The following ZC3H12B variants were observed in gnomAD, a reference collection of about 807,000 sequenced individuals.
ZC3H12B encodes probable ribonuclease ZC3H12B.
Under a neutral mutation model 43.9 loss-of-function variants are expected in ZC3H12B, and 7 were observed. That is an observed-to-expected ratio of 0.16 (90% CI 0.09 to 0.30). ZC3H12B has a LOEUF of 0.30. Ranked by LOEUF, ZC3H12B falls within the 10% of genes least tolerant of loss-of-function variation. ZC3H12B has a pLI of 1.00. For missense variants in ZC3H12B, 475 were observed against 670.2 expected, an observed-to-expected ratio of 0.71 and a Z score of 3.22; for synonymous variants, 222 against 241.7, an observed-to-expected ratio of 0.92 and a Z score of 0.76.
At chrX:65,240,545 C>A in the ZC3H12B span, among the ~76,000 whole-genome samples, 2 of 111,761 alleles carry the variant, frequency 1.8e-5, no homozygotes, top group Non-Finnish European at 3.8e-5. Flanking sequence ...TTATTACTTA[C>A]CTTCTGAATC....
the ZC3H12B span, among the ~76,000 whole-genome samples, chrX:65,067,812 T>C: frequency 9.0e-6 from 1 of 111,437 alleles, no homozygotes; most frequent in Admixed American, 9.5e-5. Flanking sequence ...TGTAGTTCTT[T>C]ATGATGCATC....
At chrX:65,086,899 A>G in the ZC3H12B span, among the ~76,000 whole-genome samples, 4 of 111,615 alleles carry the variant, frequency 3.6e-5, no homozygotes, top group Non-Finnish European at 5.6e-5. Flanking sequence ...AGCTTGTTTC[A>G]GCTCTGATAC....
chrX:65,343,882 A>G, the ZC3H12B span, among the ~76,000 whole-genome samples: 4 of 112,070 alleles, frequency 3.6e-5, no homozygotes, highest in African/African-American at 1.3e-4. Context: ...AGAAAGTCAA[A>G]TGATCCCTGT....
At chrX:65,437,979 C>A (rs913826844) in intron 3 of ZC3H12B, among the ~76,000 whole-genome samples, 1 of 112,356 alleles carries the variant, frequency 8.9e-6, no homozygotes, top group South Asian at 3.7e-4. Context: ...TTCCCAGTAC[C>A]TCTTATTGAA....
At chrX:65,220,711 C>G in the ZC3H12B span, among the ~76,000 whole-genome samples, 1 of 111,983 alleles carries the variant, frequency 8.9e-6, no homozygotes, top group Admixed American at 9.5e-5. Context: ...ACAATTACTA[C>G]TAGACATAAG....
At chrX:65,302,596 A>G in the ZC3H12B span, among the ~76,000 whole-genome samples, 2 of 112,186 alleles carry the variant, frequency 1.8e-5, no homozygotes, top group Admixed American at 9.5e-5. Flanking sequence ...AAATTATTCT[A>G]TAGGTTCAGT....
the ZC3H12B span, among the ~76,000 whole-genome samples, chrX:65,149,972 T>G: frequency 2.7e-5 from 3 of 109,851 alleles, no homozygotes; most frequent in Non-Finnish European, 5.7e-5. Context: ...TTGAGTTCCT[T>G]AAGTACCTGA....
At chrX:65,207,355 C>T in the ZC3H12B span, among the ~76,000 whole-genome samples, 2 of 109,558 alleles carry the variant, frequency 1.8e-5, no homozygotes, top group Non-Finnish European at 3.8e-5. Flanking sequence ...GAATTGGAGA[C>T]TATTATTCTA....
the ZC3H12B span, among the ~76,000 whole-genome samples, chrX:65,207,652 C>A: frequency 9.5e-6 from 1 of 105,001 alleles, no homozygotes; most frequent in Non-Finnish European, 1.9e-5. Context: ...ATTGACTTGG[C>A]AATGCGGGCT....
chrX:65,424,777 C>T (rs747452924), intron 3 of ZC3H12B, among the ~76,000 whole-genome samples: 6 of 110,774 alleles, frequency 5.4e-5, no homozygotes, highest in East Asian at 5.6e-4. Flanking sequence ...GATGGTTGTA[C>T]GTGTGTGGTC....
chrX:65,363,698 C>A (rs990885724), upstream of ZC3H12B, among the ~76,000 whole-genome samples: 16 of 111,778 alleles, frequency 1.4e-4, no homozygotes, highest in African/African-American at 5.2e-4. Flanking sequence ...CACCCTGTAG[C>A]CTTTTTGTCC....
the ZC3H12B span, among the ~76,000 whole-genome samples, chrX:65,114,075 T>C: frequency 1.0e-5 from 1 of 96,958 alleles, no homozygotes; most frequent in Non-Finnish European, 2.1e-5. Context: ...TTTGTATGTT[T>C]GAATATTGAG....
chrX:65,442,465 C>A (rs1055638575), intron 3 of ZC3H12B, among the ~76,000 whole-genome samples: 3 of 110,864 alleles, frequency 2.7e-5, no homozygotes, highest in Non-Finnish European at 5.7e-5. Flanking sequence ...CTCCTCTAAG[C>A]CGTTCTATGG....
chrX:65,051,963 T>C, the ZC3H12B span, among the ~76,000 whole-genome samples: 1 of 110,844 alleles, frequency 9.0e-6, no homozygotes, highest in African/African-American at 3.3e-5. Flanking sequence ...CTGAAAAATA[T>C]CTCAAAGACC....
At chrX:65,225,111 C>T in the ZC3H12B span, among the ~76,000 whole-genome samples, 1 of 111,993 alleles carries the variant, frequency 8.9e-6, no homozygotes, top group Non-Finnish European at 1.9e-5. Context: ...AGCAGCCTAA[C>T]TGGGAGGCAC....
At chrX:65,465,654 T>G (rs2067807705) in intron 3 of ZC3H12B, among the ~76,000 whole-genome samples, 1 of 110,992 alleles carries the variant, frequency 9.0e-6, no homozygotes, top group African/African-American at 3.3e-5. Flanking sequence ...ATTTCCTATA[T>G]GTATTATGAT....
the ZC3H12B span, among the ~76,000 whole-genome samples, chrX:65,145,707 G>T: frequency 2.1e-4 from 23 of 111,002 alleles, 1 homozygote; most frequent in East Asian, 3.1e-3. Context: ...GCATTTGTTT[G>T]TCTGAAGAAG....
the ZC3H12B span, among the ~76,000 whole-genome samples, chrX:65,244,727 CAAAAAAAAAAAAAAA>C: frequency 9.8e-5 from 2 of 20,391 alleles, no homozygotes; most frequent in South Asian, 4.5e-3. Context: ...AATACCTTGC[CAAAAAAAAAAAAAAA>C]AAAAAAAAAG....
chrX:65,102,413 G>T, the ZC3H12B span, among the ~76,000 whole-genome samples: 1 of 111,741 alleles, frequency 8.9e-6, no homozygotes. Flanking sequence ...AGAAATAAAA[G>T]GTATTCAGAT....
Sources: allele counts gnomAD v4.1 joint callset (sites outside exome capture counted in the v4.1 genomes callset), GRCh38; gene constraint gnomAD v4.1.1; transcripts MANE v1.5; gene names NCBI Gene and HGNC (gene_info 2026-07-23, HGNC 2026-07-21).